The following FCER1A variants were observed in gnomAD, a reference collection of about 807,000 sequenced individuals.
The protein encoded by FCER1A is high affinity immunoglobulin epsilon receptor subunit alpha.
FCER1A carries 24 observed loss-of-function variants against 23.6 expected under a neutral mutation model. That is an observed-to-expected ratio of 1.02 (90% confidence interval 0.74 to 1.43). The LOEUF is 1.43. Ranked by LOEUF, FCER1A falls within the 40% of genes most tolerant of loss-of-function variation. FCER1A has a pLI of 0.00. For synonymous variants in FCER1A, 121 were observed against 108.8 expected, an observed-to-expected ratio of 1.11 and a Z score of -0.70; for missense variants, 318 against 294.5, an observed-to-expected ratio of 1.08 and a Z score of -0.58.
upstream of FCER1A, among the ~76,000 whole-genome samples, chr1:159,287,844 T>C (rs1374687610): frequency 2.0e-5 from 3 of 151,018 alleles, no homozygotes; most frequent in Admixed American, 1.3e-4. Flanking sequence ...GGATGATTTA[T>C]TAGGTTGTAA....
chr1:159,295,819 T>C (rs1652282202), intron 1 of FCER1A, among the ~76,000 whole-genome samples: 1 of 152,190 alleles, frequency 6.6e-6, no homozygotes, highest in Non-Finnish European at 1.5e-5. Context: ...TAGCATGCAT[T>C]TATTCCTGTG....
At chr1:159,303,626 A>G (rs1652504020) in intron 2 of FCER1A, among the ~76,000 whole-genome samples, 1 of 152,234 alleles carries the variant, frequency 6.6e-6, no homozygotes, top group African/African-American at 2.4e-5. Flanking sequence ...ATTTACAGAT[A>G]CTGAATTGAA....
chr1:159,306,126 A>G lies in FCER1A; in HGVS notation c.470A>G (p.Glu157Gly), dbSNP rs982485338. The G allele has an allele frequency of 6.2e-7, 1 of 1,614,068 alleles. No homozygotes were observed. The highest frequency in any genetic ancestry group is 1.3e-5 in the African/African-American group (1 of 74,932). ...GGTGAAGCTCTCAAGTACTGGTATGAGAACCACAACATCTCCATTACAAAT... is the reference window on the plus strand; with the variant it reads ...GGTGAAGCTCTCAAGTACTGGTATGGGAACCACAACATCTCCATTACAAAT... Reference protein sequence around the residue: ...KDGEALKYWYENHNISITNAT... With the variant: ...KDGEALKYWYGNHNISITNAT... Residue 157 changes from glutamate to glycine, a missense_variant, in exon 4 of 5, where the codon GAG (glutamate) becomes GGG (glycine). Transcript: ENST00000693622.
intron 1 of FCER1A, among the ~76,000 whole-genome samples, chr1:159,294,613 G>A (rs535347739): frequency 6.6e-6 from 1 of 152,236 alleles, no homozygotes; most frequent in East Asian, 1.9e-4. Flanking sequence ...CTCCCCAAGG[G>A]AAAAGATCTT....
intron 1 of FCER1A, among the ~76,000 whole-genome samples, chr1:159,297,078 C>T (rs1330231930): frequency 1.3e-5 from 2 of 152,164 alleles, no homozygotes; most frequent in Admixed American, 1.3e-4. Context: ...ATTTCTCTTT[C>T]CGTTTTGAAA....
At chr1:159,283,609 GA>G in the FCER1A span, among the ~76,000 whole-genome samples, 2 of 152,100 alleles carry the variant, frequency 1.3e-5, no homozygotes, top group African/African-American at 2.4e-5. Context: ...GAAAGCAGGT[GA>G]AAAAACCTTG....
At chr1:159,287,188 A>C (rs950398502), upstream of FCER1A, among the ~76,000 whole-genome samples, 1 of 152,214 alleles carries the variant, frequency 6.6e-6, no homozygotes, top group Non-Finnish European at 1.5e-5. Context: ...CTGAGAGGAC[A>C]AGAATTTTGG....
chr1:159,307,773 A>AT lies in FCER1A; in HGVS notation c.621dup (p.Ile208TyrfsTer30), dbSNP rs753537203. 5 of 1,611,214 alleles carry AT rather than the reference A, an allele frequency of 3.1e-6. No homozygotes were observed. Among genetic ancestry groups the AT allele is most frequent in the South Asian group, 1.1e-5 (1 of 90,840 alleles). ...CTCCGCGTGAGAAGTACTGGCTACA[A>AT]TTTTTTATCCCATTGTTGGTGGTGA... On this transcript the variant is annotated frameshift_variant, in exon 5 of 5. Transcript: ENST00000693622. LOFTEE classifies it low-confidence loss of function (END_TRUNC).
At chr1:159,306,712 TG>T (rs1327556076) in intron 4 of FCER1A, among the ~76,000 whole-genome samples, 1 of 152,088 alleles carries the variant, frequency 6.6e-6, no homozygotes, top group Non-Finnish European at 1.5e-5. Flanking sequence ...CAGTAAGCTG[TG>T]TGCCTGTGTA....
intron 2 of FCER1A, among the ~76,000 whole-genome samples, chr1:159,303,274 A>C (rs567513690): frequency 7.2e-5 from 11 of 152,170 alleles, no homozygotes; most frequent in Non-Finnish European, 1.2e-4. Flanking sequence ...ATCTAAGTCC[A>C]GTTCTCTTCT....
Position 159,306,194 on chromosome 1 carries a change from G to A in FCER1A, c.538G>A (p.Val180Met), listed in dbSNP as rs1418130778. 61 of 1,613,976 alleles carry A rather than the reference G, an allele frequency of 3.8e-5. No homozygotes were observed. Among genetic ancestry groups the A allele is most frequent in the Non-Finnish European group, 5.1e-5 (60 of 1,179,964 alleles). Reference protein sequence around the residue: ...DSGTYYCTGKVWQLDYESEPL... With the variant: ...DSGTYYCTGKMWQLDYESEPL... The stretch of plus-strand genomic sequence containing the variant: ...TGGAACCTACTACTGTACGGGCAAA[G>A]TGTGGCAGCTGGACTATGAGTCTGA... Residue 180 changes from valine (V) to methionine (M), a missense_variant, in exon 4 of 5, where the codon GTG becomes ATG. Val to Met is a conservative substitution (Grantham distance 21). Transcript: ENST00000693622.
In FCER1A at chr1:159,302,838, C is replaced by A. The variant is rs143021708; in HGVS notation, c.56-16C>A. On this transcript the variant is annotated splice_polypyrimidine_tract_variant and intron_variant, in intron 1 of 4. Transcript: ENST00000693622. The stretch of plus-strand genomic sequence containing the variant: ...AGACTGCTGGACACTAATGTATCCT[C>A]TCTGGACTTTTGCAGCTCCAGATGG... The A allele has an allele frequency of 1.1e-3, 1,715 of 1,612,978 alleles. 23 individuals carry two copies. In the African/African-American group the frequency reaches 0.02, roughly 19 times the overall value.
upstream of FCER1A, among the ~76,000 whole-genome samples, chr1:159,297,806 G>A (rs555444193): frequency 6.6e-6 from 1 of 152,200 alleles, no homozygotes; most frequent in African/African-American, 2.4e-5. Flanking sequence ...TTGGGAGGAT[G>A]AGGTGGGAGG....
At chr1:159,302,305 G>T, upstream of FCER1A, 1 of 1,192,800 alleles carries the variant, frequency 8.4e-7, no homozygotes, top group Non-Finnish European at 1.3e-6. Flanking sequence ...TTGGTTTTAA[G>T]CCTATATTTG....
At chr1:159,291,982 G>A (rs1449588914) in intron 1 of FCER1A, among the ~76,000 whole-genome samples, 1 of 151,934 alleles carries the variant, frequency 6.6e-6, no homozygotes, top group African/African-American at 2.4e-5. Flanking sequence ...TCTCTTCTTG[G>A]TTTTAGTGAC....
At chr1:159,293,871 G>GA (rs964613831) in intron 1 of FCER1A, among the ~76,000 whole-genome samples, 2 of 150,692 alleles carry the variant, frequency 1.3e-5, no homozygotes, top group African/African-American at 2.4e-5. Flanking sequence ...AAATTTACAA[G>GA]AAAAAAAACA....
intron 1 of FCER1A, among the ~76,000 whole-genome samples, chr1:159,292,277 A>T (rs1001908127): frequency 2.0e-5 from 3 of 152,110 alleles, no homozygotes; most frequent in Non-Finnish European, 4.4e-5. Flanking sequence ...ACAGACTCTT[A>T]GATACAATAA....
chr1:159,296,871 G>A (rs563397620), intron 1 of FCER1A, among the ~76,000 whole-genome samples: 18 of 152,162 alleles, frequency 1.2e-4, no homozygotes, highest in African/African-American at 3.9e-4. Context: ...TTCAGAATGC[G>A]TCCTGCCCCT....
intron 4 of FCER1A, among the ~76,000 whole-genome samples, chr1:159,307,167 G>A (rs999984473): frequency 6.6e-6 from 1 of 152,120 alleles, no homozygotes; most frequent in Non-Finnish European, 1.5e-5. Flanking sequence ...AATGGTAATG[G>A]GTAGCCAATA....
Sources: allele counts gnomAD v4.1 joint callset (sites outside exome capture counted in the v4.1 genomes callset), GRCh38; gene constraint gnomAD v4.1.1; transcripts MANE v1.5; gene names NCBI Gene and HGNC (gene_info 2026-07-23, HGNC 2026-07-21).